Variants in RPS6KC1 observed in about 807,000 individuals in gnomAD.
RPS6KC1 encodes ribosomal protein S6 kinase C1.
In RPS6KC1, 54 loss-of-function variants were observed where a neutral mutation model predicts 103.8. The observed-to-expected ratio is 0.52, with a 90% confidence interval of 0.42 to 0.65. The LOEUF (loss-of-function observed/expected upper bound fraction) is 0.65, where lower values mean the gene tolerates loss of function less well. Among genes scored for constraint, RPS6KC1 ranks in the 30% least tolerant of loss-of-function variants. RPS6KC1 has a pLI of 0.00. For missense variants in RPS6KC1, 1,151 were observed against 1,253.8 expected, an observed-to-expected ratio of 0.92 and a Z score of 1.24; for synonymous variants, 439 against 438.7, an observed-to-expected ratio of 1.00 and a Z score of -0.01.
At chr1:213,386,347 T>A in the RPS6KC1 span, among the ~76,000 whole-genome samples, 1 of 152,102 alleles carries the variant, frequency 6.6e-6, no homozygotes, top group Non-Finnish European at 1.5e-5. Flanking sequence ...CAGCCTCAGG[T>A]ATTCCTTTAT....
At chr1:213,381,365 G>A in the RPS6KC1 span, among the ~76,000 whole-genome samples, 6 of 151,792 alleles carry the variant, frequency 4.0e-5, no homozygotes, top group African/African-American at 1.2e-4. Context: ...CTCCTTAGCC[G>A]GGTGCTTATG....
chr1:213,285,115 G>A, the RPS6KC1 span, among the ~76,000 whole-genome samples: 5 of 152,180 alleles, frequency 3.3e-5, no homozygotes, highest in South Asian at 2.1e-4. Context: ...TCACAGTTGC[G>A]GAGTCTGCAA....
chr1:213,553,931 T>C, the RPS6KC1 span, among the ~76,000 whole-genome samples: 2 of 152,184 alleles, frequency 1.3e-5, no homozygotes, highest in African/African-American at 4.8e-5. Context: ...ATATTAGACC[T>C]TTATAGGATG....
chr1:213,730,106 T>C, the RPS6KC1 span, among the ~76,000 whole-genome samples: 2 of 152,254 alleles, frequency 1.3e-5, no homozygotes, highest in Non-Finnish European at 2.9e-5. Context: ...CATGATCTTA[T>C]TCTTTTTAAT....
At chr1:213,102,253 T>G (rs2082082668) in intron 3 of RPS6KC1, among the ~76,000 whole-genome samples, 1 of 152,162 alleles carries the variant, frequency 6.6e-6, no homozygotes, top group African/African-American at 2.4e-5. Flanking sequence ...CCTGTCTTGT[T>G]GCTGTGTCAT....
chr1:213,276,654 C>T (rs2095113079), downstream of RPS6KC1, among the ~76,000 whole-genome samples: 2 of 152,140 alleles, frequency 1.3e-5, no homozygotes, highest in Non-Finnish European at 2.9e-5. Context: ...TGGTACTTAA[C>T]TGTTTTCTTA....
At chr1:213,784,195 T>A in the RPS6KC1 span, among the ~76,000 whole-genome samples, 12 of 152,208 alleles carry the variant, frequency 7.9e-5, no homozygotes, top group East Asian at 1.9e-4. Flanking sequence ...AAGAGAAGGT[T>A]GCTCCATGTT....
At chr1:213,795,456 T>C in the RPS6KC1 span, among the ~76,000 whole-genome samples, 1 of 152,238 alleles carries the variant, frequency 6.6e-6, no homozygotes, top group African/African-American at 2.4e-5. Flanking sequence ...TCTAAATGAA[T>C]AGATGCTTTC....
the RPS6KC1 span, among the ~76,000 whole-genome samples, chr1:213,710,382 ATCCCTTTATTTTGAGCCTATATGTG>A: frequency 6.6e-6 from 1 of 151,922 alleles, no homozygotes; most frequent in African/African-American, 2.4e-5. Flanking sequence ...ATCTTCCTCT[ATCCCTTTATTTTGAGCCTATATGTG>A]TCTTTGCACG....
At chr1:213,851,549 T>C in the RPS6KC1 span, among the ~76,000 whole-genome samples, 2 of 152,140 alleles carry the variant, frequency 1.3e-5, no homozygotes, top group Non-Finnish European at 2.9e-5. Context: ...TTGAGCGAGA[T>C]TGCCCCCAGG....
the RPS6KC1 span, among the ~76,000 whole-genome samples, chr1:213,745,355 T>G: frequency 2.0e-5 from 3 of 149,602 alleles, no homozygotes; most frequent in Non-Finnish European, 4.4e-5. Context: ...TGGTTTCCTC[T>G]GGGGGCTGTT....
the RPS6KC1 span, among the ~76,000 whole-genome samples, chr1:213,803,056 C>T: frequency 6.6e-6 from 1 of 152,094 alleles, no homozygotes; most frequent in Non-Finnish European, 1.5e-5. Flanking sequence ...ACTTATGAGG[C>T]AGGTAATTTA....
intron 8 of RPS6KC1, among the ~76,000 whole-genome samples, chr1:213,225,465 C>T (rs1415425700): frequency 6.6e-6 from 1 of 152,072 alleles, no homozygotes; most frequent in Non-Finnish European, 1.5e-5. Flanking sequence ...TCTCAATTCA[C>T]TGCAACCTCC....
the RPS6KC1 span, among the ~76,000 whole-genome samples, chr1:213,799,935 A>C: frequency 0.27 from 41,373 of 152,028 alleles, 9,702 homozygotes; most frequent in African/African-American, 0.62. Context: ...ATGTCAGGCC[A>C]TGGTGAGCAT....
At chr1:213,151,882 AT>A in intron 6 of RPS6KC1, among the ~76,000 whole-genome samples, 1 of 87,692 alleles carries the variant, frequency 1.1e-5, no homozygotes, top group South Asian at 4.7e-4. Flanking sequence ...CGGGGGGCTG[AT>A]CCCCCAACCT....
chr1:213,470,893 G>A, the RPS6KC1 span, among the ~76,000 whole-genome samples: 1 of 152,034 alleles, frequency 6.6e-6, no homozygotes, highest in African/African-American at 2.4e-5. Flanking sequence ...CCAAAGTGCT[G>A]GGATTACAGG....
chr1:213,663,512 A>G, the RPS6KC1 span, among the ~76,000 whole-genome samples: 1 of 152,104 alleles, frequency 6.6e-6, no homozygotes, highest in African/African-American at 2.4e-5. Flanking sequence ...CCCACGAATC[A>G]CTTCTGCTGG....
At chr1:213,664,347 A>G in the RPS6KC1 span, among the ~76,000 whole-genome samples, 1 of 152,190 alleles carries the variant, frequency 6.6e-6, no homozygotes, top group African/African-American at 2.4e-5. Flanking sequence ...AATAAAAGAA[A>G]GCATTAAATC....
chr1:213,702,380 T>C, the RPS6KC1 span, among the ~76,000 whole-genome samples: 1 of 151,976 alleles, frequency 6.6e-6, no homozygotes, highest in East Asian at 1.9e-4. Flanking sequence ...GGAAAAGAAT[T>C]TATATTCTGT....
Sources: allele counts gnomAD v4.1 joint callset (sites outside exome capture counted in the v4.1 genomes callset), GRCh38; gene constraint gnomAD v4.1.1; transcripts MANE v1.5; gene names NCBI Gene and HGNC (gene_info 2026-07-23, HGNC 2026-07-21).